Variants in GBF1 observed in about 807,000 individuals in gnomAD.
GBF1 encodes the protein Golgi-specific brefeldin A-resistance guanine nucleotide exchange factor 1.
A neutral mutation model predicts 210.5 loss-of-function variants in GBF1; 114 were observed. That is an observed-to-expected ratio of 0.54 (90% confidence interval 0.47 to 0.63). The LOEUF (loss-of-function observed/expected upper bound fraction) is 0.63. Among genes scored for constraint, GBF1 ranks in the 30% least tolerant of loss-of-function variants. The pLI, the probability that GBF1 is intolerant of heterozygous loss-of-function variation, is 0.00. For missense variants in GBF1, 1,851 were observed against 2,357.7 expected (o/e 0.79, Z 4.45); for synonymous variants, 850 against 889.2 (o/e 0.96, Z 0.78).
intron 3 of GBF1, among the ~76,000 whole-genome samples, chr10:102,281,435 T>A (rs2075466795): frequency 6.6e-6 from 1 of 152,072 alleles, no homozygotes; most frequent in Non-Finnish European, 1.5e-5. Flanking sequence ...CTAAATTATG[T>A]GATATTTTAC....
In GBF1 at chr10:102,382,436, G is replaced by C; in HGVS notation, c.*100G>C. ...GCCACAAGCTCTTCAGGCCAAGTCA[G>C]AGCTGCTGTTGCTGCCACTTGGATG... On this transcript the variant is annotated 3_prime_UTR_variant, in exon 40 of 40. Transcript: ENST00000369983. 9.4e-7 allele frequency: 1 copy of C among 1,064,052 alleles called. No homozygotes were observed. The highest frequency in any genetic ancestry group is 1.6e-5 in the African/African-American group (1 of 62,984). 65.9% of individuals were successfully genotyped at this position (1,064,052 alleles called of 1,614,324 possible). A position where few individuals can be genotyped will look rare whatever the true frequency, so the allele number is the denominator to read the frequency against.
chr10:102,234,110 TTAA>T, the GBF1 span, among the ~76,000 whole-genome samples: 2 of 152,220 alleles, frequency 1.3e-5, no homozygotes, highest in African/African-American at 4.8e-5. Flanking sequence ...CAGGATGGCA[TTAA>T]TGTGGTGGAT....
At chr10:102,305,385 G>A (rs1188189332) in intron 3 of GBF1, among the ~76,000 whole-genome samples, 3 of 152,268 alleles carry the variant, frequency 2.0e-5, no homozygotes, top group African/African-American at 7.2e-5. Flanking sequence ...GGCCAAGACA[G>A]GCAGATCACT....
At chr10:102,379,991 T>A (rs377528924) in intron 36 of GBF1, 37 bp downstream of exon 36, 1 of 1,377,930 alleles carries the variant, frequency 7.3e-7, no homozygotes, top group Non-Finnish European at 1.0e-6. Flanking sequence ...CTCTCTCCCA[T>A]ACCTGCCTTT....
intron 19 of GBF1, 75 bp from the exon 20 acceptor site, chr10:102,367,010 G>C: frequency 6.5e-7 from 1 of 1,544,058 alleles, no homozygotes. Flanking sequence ...TACTAGCACT[G>C]ACCAGTGGGT....
At chr10:102,371,114 A>G (rs2060183413) in intron 29 of GBF1, among the ~76,000 whole-genome samples, 2 of 152,202 alleles carry the variant, frequency 1.3e-5, no homozygotes, top group South Asian at 4.1e-4. Flanking sequence ...CTACTGCCTT[A>G]TAATAGTCTC....
chr10:102,346,086 TTTTTTAA>T (rs1198763240), intron 4 of GBF1, among the ~76,000 whole-genome samples: 4 of 120,490 alleles, frequency 3.3e-5, no homozygotes, highest in East Asian at 3.4e-4. Context: ...TATTAATAAT[TTTTTTAA>T]TTTTTATTTT....
chr10:102,301,745 A>T (rs1159665884), intron 3 of GBF1, among the ~76,000 whole-genome samples: 3 of 129,982 alleles, frequency 2.3e-5, no homozygotes, highest in Non-Finnish European at 4.9e-5. Flanking sequence ...CCTAGACGGG[A>T]TGGCGGCCGG....
chr10:102,274,555 A>C (rs2074743713), intron 3 of GBF1, among the ~76,000 whole-genome samples: 2 of 152,088 alleles, frequency 1.3e-5, no homozygotes. Flanking sequence ...GACGGACCAC[A>C]ACTGACCACA....
intron 9 of GBF1, 53 bp downstream of exon 9, chr10:102,358,239 C>T (rs1274943783): frequency 2.0e-6 from 3 of 1,510,434 alleles, no homozygotes; most frequent in African/African-American, 1.4e-5. Flanking sequence ...GCTCCTTTCT[C>T]TCTTAGGGAT....
intron 35 of GBF1, 96 bp downstream of exon 35, chr10:102,379,747 A>C: frequency 2.7e-6 from 4 of 1,489,866 alleles, no homozygotes; most frequent in Non-Finnish European, 2.8e-6. Context: ...TTCAGCCTGC[A>C]TCATACCTTC....
At chr10:102,322,255 A>G (rs1340165268) in intron 3 of GBF1, among the ~76,000 whole-genome samples, 1 of 152,198 alleles carries the variant, frequency 6.6e-6, no homozygotes, top group Non-Finnish European at 1.5e-5. Flanking sequence ...TTCTTTTTCA[A>G]AGACCTTTAA....
At chr10:102,373,110 A>T (rs766180323) in intron 29 of GBF1, among the ~76,000 whole-genome samples, 1 of 152,242 alleles carries the variant, frequency 6.6e-6, no homozygotes, top group Non-Finnish European at 1.5e-5. Context: ...TGCAAATCAC[A>T]TATTTGAAGA....
chr10:102,363,333 C>T lies in GBF1; in HGVS notation c.1954C>T (p.Arg652Trp), dbSNP rs149619519. The change falls in exon 16 of 40, where the codon CGG (arginine) becomes TGG (tryptophan). Residue 652 changes from arginine to tryptophan, a missense_variant. Physicochemically the swap from Arg to Trp is moderately radical, Grantham distance 101 (BLOSUM62 -3). This residue lies in a region of GBF1 where 804 missense variants were observed against 958.6 expected (regional missense o/e 0.84). Coordinates refer to ENST00000369983, the MANE Select transcript of GBF1 (RefSeq NM_001377137.1). This position sits in a 1 kb window ranked among gnomAD's most constrained non-coding sequence, Gnocchi z 4.2. The part of the protein sequence containing the change: ...IPGLHLPGGG[R>W]LPPEHGKSGC... ...AGGCCTGCATCTGCCAGGTGGAGGGCGGCTGCCACCAGAACATGGGAAATC... is the reference window on the plus strand; with the variant it reads ...AGGCCTGCATCTGCCAGGTGGAGGGTGGCTGCCACCAGAACATGGGAAATC... The T allele has an allele frequency of 5.0e-6, 8 of 1,613,794 alleles. No homozygotes were observed. Among genetic ancestry groups the T allele is most frequent in the African/African-American group, 1.3e-5 (1 of 74,912 alleles).
At chr10:102,352,035 T>C (rs2059016219) in intron 6 of GBF1, 84 bp downstream of exon 6, 1 of 814,800 alleles carries the variant, frequency 1.2e-6, no homozygotes, top group Non-Finnish European at 2.2e-6. Flanking sequence ...CCCAGAGAGA[T>C]GGAAAATTCA....
At chr10:102,248,680 G>A (rs781550966) in intron 1 of GBF1, among the ~76,000 whole-genome samples, 1 of 151,668 alleles carries the variant, frequency 6.6e-6, no homozygotes, top group African/African-American at 2.4e-5. Flanking sequence ...CTGTCACCCC[G>A]GCTGGAGTGC....
At chr10:102,232,407 G>A in the GBF1 span, among the ~76,000 whole-genome samples, 1 of 152,218 alleles carries the variant, frequency 6.6e-6, no homozygotes, top group Admixed American at 6.5e-5. Flanking sequence ...TATAGGCCGG[G>A]CGCAGTGGCT....
At chr10:102,237,376 T>C in the GBF1 span, among the ~76,000 whole-genome samples, 1 of 152,060 alleles carries the variant, frequency 6.6e-6, no homozygotes, top group Admixed American at 6.5e-5. Context: ...GGGAATAAGC[T>C]GGCAGGCTGG....
chr10:102,332,139 T>C (rs147102365), intron 3 of GBF1, among the ~76,000 whole-genome samples: 1,946 of 151,902 alleles, frequency 0.013, 33 homozygotes, highest in African/African-American at 0.045. Flanking sequence ...GGATTACAGG[T>C]GTGAGCCACC....
Sources: allele counts gnomAD v4.1 joint callset (sites outside exome capture counted in the v4.1 genomes callset), GRCh38; gene constraint gnomAD v4.1.1; regional missense constraint gnomAD v4.1.1; non-coding constraint Gnocchi (gnomAD v3.1); transcripts MANE v1.5; gene names NCBI Gene and HGNC (gene_info 2026-07-23, HGNC 2026-07-21).